Variants in TCF4 observed in about 807,000 individuals in gnomAD.
The protein encoded by TCF4 is SL3-3 enhancer factor 2.
A neutral mutation model predicts 82.1 loss-of-function variants in TCF4; 3 were observed. The observed-to-expected ratio is 0.04, with a 90% confidence interval of 0.02 to 0.09. The LOEUF is 0.09. TCF4 is among the 10% of genes least tolerant of loss of function. The pLI, the probability that TCF4 is intolerant of heterozygous loss-of-function variation, is 1.00. For missense variants in TCF4, 518 were observed against 852.7 expected, an observed-to-expected ratio of 0.61 and a Z score of 4.89; for synonymous variants, 276 against 309.6, an observed-to-expected ratio of 0.89 and a Z score of 1.14.
chr18:55,299,993 G>A (rs1164595238), intron 8 of TCF4, among the ~76,000 whole-genome samples: 2 of 151,904 alleles, frequency 1.3e-5, no homozygotes, highest in Non-Finnish European at 2.9e-5. Context: ...ACAGAAAGAT[G>A]GAACCCCAAA....
At chr18:55,308,217 C>A (rs780160218) in intron 8 of TCF4, among the ~76,000 whole-genome samples, 1 of 152,054 alleles carries the variant, frequency 6.6e-6, no homozygotes, top group Non-Finnish European at 1.5e-5. Flanking sequence ...GATGGACAGA[C>A]GTTTTCATTT....
intron 3 of TCF4, among the ~76,000 whole-genome samples, chr18:55,565,665 A>T (rs1381390083): frequency 2.0e-5 from 3 of 152,206 alleles, no homozygotes; most frequent in Non-Finnish European, 4.4e-5. Flanking sequence ...AGCCCATGGA[A>T]TTTAAGCATT....
intron 6 of TCF4, among the ~76,000 whole-genome samples, chr18:55,376,600 A>G (rs2090816083): frequency 6.6e-6 from 1 of 152,192 alleles, no homozygotes; most frequent in South Asian, 2.1e-4. Context: ...CAACTATCAC[A>G]AACTCACAAC....
At chr18:55,596,069 CTAA>C (rs1370746525) in intron 2 of TCF4, 1 of 430,424 alleles carries the variant, frequency 2.3e-6, no homozygotes, top group East Asian at 8.6e-5. Context: ...CCCGTCTCTA[CTAA>C]AAATACAAAA....
chr18:55,632,212 G>T (rs1218841995), intron 1 of TCF4, among the ~76,000 whole-genome samples: 2 of 152,084 alleles, frequency 1.3e-5, no homozygotes, highest in Non-Finnish European at 2.9e-5. Flanking sequence ...CTAATTTTTT[G>T]TATTTTTAGT....
At chr18:55,631,410 G>A (rs2097731506) in intron 1 of TCF4, 1 of 1,543,918 alleles carries the variant, frequency 6.5e-7, no homozygotes, top group Admixed American at 2.0e-5. Flanking sequence ...AGAAAAGATG[G>A]TGGACATGTT....
At chr18:55,530,854 T>C (rs1396657979) in intron 3 of TCF4, among the ~76,000 whole-genome samples, 1 of 152,154 alleles carries the variant, frequency 6.6e-6, no homozygotes, top group African/African-American at 2.4e-5. Context: ...TCTATGAAAC[T>C]ACCACTAGAC....
chr18:55,474,187 T>C (rs1294141091), intron 3 of TCF4, among the ~76,000 whole-genome samples: 2 of 152,172 alleles, frequency 1.3e-5, no homozygotes, highest in Non-Finnish European at 2.9e-5. Context: ...ACATCTGAAA[T>C]TGTAATAGCT....
chr18:55,474,720 CA>C (rs2096254592), intron 3 of TCF4, among the ~76,000 whole-genome samples: 1 of 152,048 alleles, frequency 6.6e-6, no homozygotes, highest in Admixed American at 6.6e-5. Flanking sequence ...ATAATTTTTT[CA>C]TTCTTCCCAT....
At chr18:55,541,758 C>G (rs2097167065) in intron 3 of TCF4, among the ~76,000 whole-genome samples, 1 of 152,008 alleles carries the variant, frequency 6.6e-6, no homozygotes, top group South Asian at 2.1e-4. Flanking sequence ...ATAACACATT[C>G]ATCCCTGATT....
intron 8 of TCF4, among the ~76,000 whole-genome samples, chr18:55,323,016 C>T (rs1254455237): frequency 6.6e-6 from 1 of 152,162 alleles, no homozygotes; most frequent in Non-Finnish European, 1.5e-5. Flanking sequence ...CTTTATTGAT[C>T]ACAACTGAAC....
At chr18:55,399,917 C>T (rs935654406) in intron 6 of TCF4, among the ~76,000 whole-genome samples, 1 of 149,274 alleles carries the variant, frequency 6.7e-6, no homozygotes, top group African/African-American at 2.5e-5. Flanking sequence ...CACACACACA[C>T]ACACACACAA....
intron 2 of TCF4, among the ~76,000 whole-genome samples, chr18:55,627,798 C>A (rs2097727976): frequency 1.3e-5 from 2 of 151,366 alleles, no homozygotes; most frequent in East Asian, 2.0e-4. Context: ...CAGTGGCTCA[C>A]GCCTGTAATC....
intron 6 of TCF4, among the ~76,000 whole-genome samples, chr18:55,384,968 G>T (rs2092450480): frequency 6.6e-6 from 1 of 152,104 alleles, no homozygotes; most frequent in Admixed American, 6.5e-5. Flanking sequence ...GAAACTACCC[G>T]AGCCCGACAG....
intron 6 of TCF4, among the ~76,000 whole-genome samples, chr18:55,394,665 G>C (rs557415033): frequency 2.0e-5 from 3 of 152,172 alleles, no homozygotes; most frequent in East Asian, 1.9e-4. Flanking sequence ...AGCAACATTT[G>C]CATGTTGGAA....
intron 2 of TCF4, chr18:55,585,622 CATA>C: frequency 3.6e-6 from 2 of 560,242 alleles, no homozygotes; most frequent in South Asian, 3.0e-5. Context: ...ACACAGTCCC[CATA>C]ATGTTATCAA....
chr18:55,489,824 A>G (rs934728307), intron 3 of TCF4, among the ~76,000 whole-genome samples: 4 of 152,114 alleles, frequency 2.6e-5, no homozygotes, highest in Admixed American at 2.6e-4. Context: ...AACCACGAAC[A>G]CCTAAGCACA....
chr18:55,514,559 T>C (rs1331657984), intron 3 of TCF4, among the ~76,000 whole-genome samples: 3 of 152,126 alleles, frequency 2.0e-5, no homozygotes, highest in African/African-American at 7.2e-5. Context: ...AATAAATCAT[T>C]AAATATAAAA....
chr18:55,420,378 A>T (rs1191311714), intron 5 of TCF4, among the ~76,000 whole-genome samples: 1 of 152,214 alleles, frequency 6.6e-6, no homozygotes, highest in Non-Finnish European at 1.5e-5. Context: ...ATGTGTAAAA[A>T]CAATCTCCAA....
Sources: allele counts gnomAD v4.1 joint callset (sites outside exome capture counted in the v4.1 genomes callset), GRCh38; gene constraint gnomAD v4.1.1; transcripts MANE v1.5; gene names NCBI Gene and HGNC (gene_info 2026-07-23, HGNC 2026-07-21).